PHF14: variants seen among roughly 807,000 people sequenced by gnomAD.
PHF14 encodes the protein PHD finger protein 14.
Under a neutral mutation model 117.9 loss-of-function variants are expected in PHF14, and 55 were observed. The ratio of observed to expected loss-of-function variants is 0.47; its 90% CI spans 0.38 to 0.58. The LOEUF is 0.58. PHF14 is among the 20% of genes least tolerant of loss of function. The pLI is 0.00. For synonymous variants in PHF14, 409 were observed against 368.6 expected (o/e 1.11, Z -1.26); for missense variants, 978 against 1,122.2 (o/e 0.87, Z 1.84).
At chr7:11,158,336 T>G (rs1386480442) in intron 17 of PHF14, among the ~76,000 whole-genome samples, 1 of 152,132 alleles carries the variant, frequency 6.6e-6, no homozygotes, top group Non-Finnish European at 1.5e-5. Flanking sequence ...TTGCTTAATA[T>G]TTTCTCATGA....
intron 17 of PHF14, among the ~76,000 whole-genome samples, chr7:11,161,785 T>C (rs758979353): frequency 6.0e-4 from 89 of 149,162 alleles, no homozygotes; most frequent in Non-Finnish European, 1.0e-3. Flanking sequence ...TAGATATTAT[T>C]TTTGCCTAAA....
At chr7:11,158,052 A>G (rs558508765) in intron 17 of PHF14, among the ~76,000 whole-genome samples, 1 of 152,262 alleles carries the variant, frequency 6.6e-6, no homozygotes, top group East Asian at 1.9e-4. Flanking sequence ...CATCTTATAT[A>G]AGCATAGAAC....
intron 5 of PHF14, 51 bp from the exon 6 acceptor site, chr7:11,022,817 T>C: frequency 2.0e-6 from 2 of 1,023,118 alleles, no homozygotes; most frequent in South Asian, 3.2e-5. Context: ...GTTTTGTGTG[T>C]GGGAATTTTA....
In PHF14 at chr7:11,130,009, A is replaced by T. The variant is rs979295655; in HGVS notation, c.2772+18542A>T. Among the ~76,000 whole-genome samples, 9 of 152,184 alleles carry T rather than the reference A, an allele frequency of 5.9e-5. No individual in the cohort carries two copies. In the East Asian group the frequency reaches 1.7e-3, roughly 29 times the overall value. ...ATATGCTAAGTTATGCAGCAAAAAA[A>T]AGAATCCCAAATTTTTAGTTGATTA... On this transcript the variant is annotated intron_variant, in intron 17 of 17. Transcript: ENST00000634607. The surrounding 1 kb of genome is among the most constrained non-coding windows in gnomAD (Gnocchi z 4.2).
chr7:11,122,968 A>G (rs1014486485), intron 17 of PHF14, among the ~76,000 whole-genome samples: 8 of 152,154 alleles, frequency 5.3e-5, no homozygotes, highest in Admixed American at 6.5e-5. Flanking sequence ...ATTCTGTGTC[A>G]TGTTTCATCC....
chr7:11,020,327 C>T (rs1190145945), intron 5 of PHF14, among the ~76,000 whole-genome samples: 1 of 152,122 alleles, frequency 6.6e-6, no homozygotes, highest in Non-Finnish European at 1.5e-5. Flanking sequence ...TGGGCTCAAG[C>T]AGTCCTCCCA....
At chr7:11,077,729 TATC>T (rs1050118944) in intron 16 of PHF14, among the ~76,000 whole-genome samples, 1 of 152,250 alleles carries the variant, frequency 6.6e-6, no homozygotes, top group Admixed American at 6.5e-5. Context: ...TTGTTTTTAT[TATC>T]ATTATTACTA....
At chr7:11,068,851 A>G (rs754565423) in intron 16 of PHF14, among the ~76,000 whole-genome samples, 19 of 152,114 alleles carry the variant, frequency 1.2e-4, no homozygotes, top group Non-Finnish European at 2.2e-4. Context: ...ATTTATGATC[A>G]TGGTATATCT....
At chr7:11,043,590 C>T (rs1310396588) in intron 13 of PHF14, among the ~76,000 whole-genome samples, 1 of 151,888 alleles carries the variant, frequency 6.6e-6, no homozygotes, top group African/African-American at 2.4e-5. Flanking sequence ...ATTTTTTGAC[C>T]TCATTGTTTT....
intron 4 of PHF14, among the ~76,000 whole-genome samples, chr7:10,995,351 C>A (rs561487301): frequency 5.3e-5 from 8 of 150,348 alleles, no homozygotes; most frequent in Non-Finnish European, 1.0e-4. Flanking sequence ...ACAAGCCTTG[C>A]GCTAGACACA....
chr7:11,026,535 A>G (rs1783917521), intron 6 of PHF14, among the ~76,000 whole-genome samples: 1 of 152,160 alleles, frequency 6.6e-6, no homozygotes, highest in South Asian at 2.1e-4. Flanking sequence ...TAGAACTAGA[A>G]AAGGCTCAGA....
chr7:11,102,281 G>A (rs1787119237), intron 16 of PHF14, among the ~76,000 whole-genome samples: 1 of 151,698 alleles, frequency 6.6e-6, no homozygotes, highest in Admixed American at 6.6e-5. Flanking sequence ...GCAACTCAAT[G>A]TTTCAAATGA....
chr7:11,090,830 A>C (rs2128338778), intron 16 of PHF14, among the ~76,000 whole-genome samples: 1 of 152,366 alleles, frequency 6.6e-6, no homozygotes, highest in Non-Finnish European at 1.5e-5. Context: ...AGGATAAAGA[A>C]GTCTTCATAT....
At chr7:11,105,752 A>C (rs2128342350) in intron 16 of PHF14, 1 of 984,856 alleles carries the variant, frequency 1.0e-6, no homozygotes, top group South Asian at 4.7e-5. Context: ...GGCTTTCTGT[A>C]GGCCTGCCGA....
At chr7:11,040,413 AAAGCTGAAATAG>A (rs1784463454) in intron 11 of PHF14, among the ~76,000 whole-genome samples, 1 of 152,026 alleles carries the variant, frequency 6.6e-6, no homozygotes, top group Non-Finnish European at 1.5e-5. Context: ...TTTGTCTTTG[AAAGCTGAAATAG>A]AAGTTTAATT....
rs1284023292 is a variant in PHF14 at position 11,164,992 on chromosome 7, T to C, written c.2773-4424T>C. 2.6e-5 allele frequency among the ~76,000 whole-genome samples: 4 copies of C among 152,158 alleles called. No homozygotes were observed. In the East Asian group the frequency reaches 7.7e-4, roughly 29 times the overall value. On this transcript the variant is annotated intron_variant, in intron 17 of 17. Coordinates refer to ENST00000634607, the MANE Select transcript of PHF14 (RefSeq NM_001007157.2). ...CAGGCTGCAGTGCAGTGGCGCGATC[T>C]CCGCTCACTGCAGCCTCCACCTCCT...
intron 16 of PHF14, among the ~76,000 whole-genome samples, chr7:11,077,743 T>C (rs953260044): frequency 2.0e-5 from 3 of 152,112 alleles, no homozygotes; most frequent in African/African-American, 7.2e-5. Flanking sequence ...ATTATTACTA[T>C]TACTATATTT....
intron 4 of PHF14, chr7:11,006,821 G>T (rs1783121677): frequency 1.3e-6 from 1 of 780,304 alleles, no homozygotes; most frequent in African/African-American, 1.7e-5. Flanking sequence ...CTTCGGTTTG[G>T]CTTCAGCTTT....
At chr7:11,165,881 TTC>T (rs1327649289) in intron 17 of PHF14, among the ~76,000 whole-genome samples, 1 of 152,212 alleles carries the variant, frequency 6.6e-6, no homozygotes, top group Non-Finnish European at 1.5e-5. Flanking sequence ...TTTACTTAAT[TTC>T]TCTGTTAGAA....
Sources: allele counts gnomAD v4.1 joint callset (sites outside exome capture counted in the v4.1 genomes callset), GRCh38; gene constraint gnomAD v4.1.1; non-coding constraint Gnocchi (gnomAD v3.1); transcripts MANE v1.5; gene names NCBI Gene and HGNC (gene_info 2026-07-23, HGNC 2026-07-21).